The following TRABD variants were observed in gnomAD, a reference collection of about 807,000 sequenced individuals.
TRABD encodes traB domain-containing protein.
In TRABD, 23 loss-of-function variants were observed where a neutral mutation model predicts 39.6. The observed-to-expected ratio is 0.58, with a 90% CI of 0.42 to 0.82. The LOEUF (loss-of-function observed/expected upper bound fraction) is 0.82. Among genes scored for constraint, TRABD ranks in the 40% least tolerant of loss-of-function variants. The pLI, the probability that TRABD is intolerant of heterozygous loss-of-function variation, is 0.00. For synonymous variants in TRABD, 243 were observed against 232.1 expected (o/e 1.05, Z -0.43); for missense variants, 487 against 544.9 (o/e 0.89, Z 1.06).
At chr22:50,188,641 ACCT>A (rs2063818675) in intron 1 of TRABD, among the ~76,000 whole-genome samples, 1 of 152,106 alleles carries the variant, frequency 6.6e-6, no homozygotes, top group Non-Finnish European at 1.5e-5. Flanking sequence ...GAACCTGATC[ACCT>A]CCTGGAGGCC....
intron 7 of TRABD, 60 bp from the exon 8 acceptor site, chr22:50,197,763 A>AGGCCCCCCCCCCCCCCCCCGGG: frequency 1.4e-6 from 2 of 1,439,784 alleles, no homozygotes; most frequent in African/African-American, 1.4e-5. Flanking sequence ...CCACAGTGCC[A>AGGCCCCCCCCCCCCCCCCCGGG]GCCCCACCCC....
chr22:50,189,095 T>A (rs916646619), intron 1 of TRABD, among the ~76,000 whole-genome samples: 3 of 152,350 alleles, frequency 2.0e-5, no homozygotes, highest in Admixed American at 2.0e-4. Context: ...CTGCTAAGTC[T>A]TTTCTTGCCC....
In TRABD at chr22:50,199,300, G is replaced by C; in HGVS notation, c.*781G>C. ...AGCGAAGGGGTGCCTGGGGCATCTT[G>C]GCCCTCTCTGGGCAGACAATGTGTG... On this transcript the variant is annotated 3_prime_UTR_variant, in exon 10 of 10. Coordinates refer to ENST00000380909, the MANE Select transcript of TRABD (RefSeq NM_001320485.2). The C allele has an allele frequency of 1.7e-6, 1 of 581,138 alleles. No homozygotes were observed. The highest frequency in any genetic ancestry group is 3.1e-6 in the Non-Finnish European group (1 of 322,056). The allele number at this position is 581,138 out of a possible 1,614,324, so 36.0% of individuals were successfully genotyped here.
chr22:50,193,965 C>G (rs2064002529), intron 3 of TRABD, among the ~76,000 whole-genome samples: 1 of 152,280 alleles, frequency 6.6e-6, no homozygotes, highest in South Asian at 2.1e-4. Flanking sequence ...GCCTGTCCCT[C>G]CTGAGTGGGG....
chr22:50,197,249 C>A lies in TRABD; in HGVS notation c.429C>A (p.Leu143=). Residue 143 remains leucine (L), a synonymous_variant, in exon 6 of 10, where the codon CTC becomes CTA. Transcript: ENST00000380909. ...KLQQAVRQNG[L]MSGLMQMLLL... ...GCTCCCTCTCTCTGCAGAACGGGCTCATGTCGGGGCTGATGCAGATGCTGC... is the reference window on the plus strand; with the variant it reads ...GCTCCCTCTCTCTGCAGAACGGGCTAATGTCGGGGCTGATGCAGATGCTGC... The A allele has an allele frequency of 6.2e-7, 1 of 1,613,372 alleles. No individual in the cohort carries two copies. Among genetic ancestry groups the A allele is most frequent in the Non-Finnish European group, 8.5e-7 (1 of 1,179,898 alleles).
At chr22:50,194,018 C>T (rs1292587872) in intron 3 of TRABD, among the ~76,000 whole-genome samples, 1 of 10,942 alleles carries the variant, frequency 9.1e-5, no homozygotes, top group Non-Finnish European at 1.6e-4. Context: ...CCTAGCTGAG[C>T]CCCCTGCGGC....
chr22:50,197,776 C>CCCCCCCG, intron 7 of TRABD, 47 bp from the exon 8 acceptor site: 11 of 1,439,386 alleles, frequency 7.6e-6, no homozygotes, highest in Non-Finnish European at 8.7e-6. Flanking sequence ...CCCACCCCCC[C>CCCCCCCG]AGCCCGTTGC....
rs939808846 is a variant in TRABD at position 50,198,862 on chromosome 22, A to C, written c.*343A>C. 1.9e-6 allele frequency: 1 copy of C among 540,000 alleles called. No homozygotes were observed. The highest frequency in any genetic ancestry group is 3.3e-6 in the Non-Finnish European group (1 of 301,790). 33.5% of individuals were successfully genotyped at this position (540,000 alleles called of 1,614,324 possible). A position where few individuals can be genotyped will look rare whatever the true frequency, so the allele number is the denominator to read the frequency against. ...CAGCCCTGGTGGCAGGCGGGGGACA[A>C]TGGCCACTGTCCCTACCTCACTGTG... On this transcript the variant is annotated 3_prime_UTR_variant, in exon 10 of 10. Coordinates refer to ENST00000380909, the MANE Select transcript of TRABD (RefSeq NM_001320485.2). This position sits in a 1 kb window ranked among gnomAD's most constrained non-coding sequence, Gnocchi z 7.9.
chr22:50,195,092 GT>G, intron 5 of TRABD, 52 bp downstream of exon 5: 1 of 1,503,156 alleles, frequency 6.7e-7, no homozygotes, highest in Non-Finnish European at 8.9e-7. Flanking sequence ...AAAGCCACCT[GT>G]TTGCCTGTTG....
At chr22:50,194,580 C>CG (rs1184687374) in intron 4 of TRABD, 74 bp downstream of exon 4, 20 of 1,540,036 alleles carry the variant, frequency 1.3e-5, no homozygotes, top group Admixed American at 6.1e-5. Context: ...AGGGACCTCC[C>CG]GGCAGGGCCC....
intron 7 of TRABD, 27 bp downstream of exon 7, chr22:50,197,615 G>C (rs574405391): frequency 6.2e-7 from 1 of 1,609,448 alleles, no homozygotes; most frequent in South Asian, 1.1e-5. Context: ...GACCCTGGCC[G>C]GCCTGCAGGG....
chr22:50,197,760 G>A, intron 7 of TRABD, 63 bp from the exon 8 acceptor site: 2 of 1,537,034 alleles, frequency 1.3e-6, no homozygotes, highest in Non-Finnish European at 1.8e-6. Flanking sequence ...TGTCCACAGT[G>A]CCAGCCCCAC....
rs554808443 is a variant in TRABD at position 50,188,474 on chromosome 22, A to T, written c.-35+2498A>T. Among the ~76,000 whole-genome samples, 8 of 152,292 alleles carry T rather than the reference A, an allele frequency of 5.3e-5. No homozygotes were observed. In the East Asian group the frequency reaches 1.4e-3, roughly 26 times the overall value. On this transcript the variant is annotated intron_variant, in intron 1 of 9. Transcript: ENST00000380909. ...TTTCTCAGAGTTCTAGGGGCCGGAC[A>T]TCCCAGATCAAAGGTGCTGGTCCCT...
intron 1 of TRABD, among the ~76,000 whole-genome samples, chr22:50,187,577 A>T (rs2063792898): frequency 6.6e-6 from 1 of 152,188 alleles, no homozygotes; most frequent in Non-Finnish European, 1.5e-5. Flanking sequence ...CTGCACTAGG[A>T]AGCTAGGCTG....
chr22:50,190,080 G>C (rs2063856247), intron 1 of TRABD, among the ~76,000 whole-genome samples: 1 of 152,214 alleles, frequency 6.6e-6, no homozygotes, highest in Non-Finnish European at 1.5e-5. Context: ...CAGGGGCCTT[G>C]GCGAGGAGGG....
rs1056670416 is a variant in TRABD at position 50,193,588 on chromosome 22, C to T, written c.46C>T (p.Pro16Ser). 11 of 1,613,854 alleles carry T rather than the reference C, an allele frequency of 6.8e-6. No homozygotes were observed. Among genetic ancestry groups the T allele is most frequent in the Admixed American group, 1.7e-5 (1 of 60,014 alleles). The change falls in exon 3 of 10, where the codon CCT becomes TCT. Residue 16 changes from proline to serine, a missense_variant. Coordinates refer to ENST00000380909, the MANE Select transcript of TRABD (RefSeq NM_001320485.2). Reference sequence around the variant, plus strand: ...TTTCCACCTGCAGGCCAACGTGGAACCTGTTGTGCCGTCAGAGGCTTCAGA... The same window carrying T: ...TTTCCACCTGCAGGCCAACGTGGAATCTGTTGTGCCGTCAGAGGCTTCAGA... ...QQPPHEANVEPVVPSEASEPV... is the reference protein window; with the variant it reads ...QQPPHEANVESVVPSEASEPV...
intron 1 of TRABD, among the ~76,000 whole-genome samples, chr22:50,189,994 G>A (rs1272863725): frequency 6.6e-6 from 1 of 152,224 alleles, no homozygotes; most frequent in Non-Finnish European, 1.5e-5. Context: ...AGCCATAAAT[G>A]TCTGAGAGCA....
chr22:50,198,731 C>T lies in TRABD; in HGVS notation c.*212C>T. 1.8e-6 allele frequency: 1 copy of T among 563,972 alleles called. No individual in the cohort carries two copies. The highest frequency in any genetic ancestry group is 3.1e-5 in the East Asian group (1 of 32,540). 34.9% of individuals were successfully genotyped at this position (563,972 alleles called of 1,614,324 possible). On this transcript the variant is annotated 3_prime_UTR_variant, in exon 10 of 10. Transcript: ENST00000380909. The surrounding 1 kb of genome is among the most constrained non-coding windows in gnomAD (Gnocchi z 7.9). ...GTCTGAGCTCAGGCCTCCCGGCAGC[C>T]CCTCCCCTCCCACACTGCAGGGGCC...
At position 50,198,580 on chromosome 22, in the gene TRABD, T is replaced by C. The variant is rs1175056295; in HGVS notation, c.*61T>C. 1.4e-6 allele frequency: 2 copies of C among 1,437,618 alleles called. No individual in the cohort carries two copies. The highest frequency in any genetic ancestry group is 1.8e-6 in the Non-Finnish European group (2 of 1,097,112). 89.1% of individuals were successfully genotyped at this position (1,437,618 alleles called of 1,614,324 possible). A position where few individuals can be genotyped will look rare whatever the true frequency, so the allele number is the denominator to read the frequency against. On this transcript the variant is annotated 3_prime_UTR_variant, in exon 10 of 10. Transcript: ENST00000380909. The surrounding 1 kb of genome is among the most constrained non-coding windows in gnomAD (Gnocchi z 7.9). ...CCAGTGCCCCCGCGGCACTTCTGGG[T>C]GCCAGGTGCATCCTAGCCCGCCCGA...
Sources: gnomAD v4.1 joint callset for allele counts (sites outside exome capture counted in the v4.1 genomes callset) on GRCh38, gnomAD v4.1.1 for gene constraint, Gnocchi (gnomAD v3.1) non-coding constraint, MANE v1.5 for transcripts, NCBI Gene and HGNC (gene_info 2026-07-23, HGNC 2026-07-21) for gene names.